The following HECW2 variants were observed in gnomAD, a reference collection of about 807,000 sequenced individuals.
The protein encoded by HECW2 is HECT, C2 and WW domain containing E3 ubiquitin protein ligase 2, also known as E3 ubiquitin-protein ligase HECW2.
HECW2 carries 61 observed loss-of-function variants against 175.2 expected under a neutral mutation model. The observed-to-expected ratio is 0.35, with a 90% CI of 0.28 to 0.43. The LOEUF is 0.43. Ranked by LOEUF, HECW2 falls within the 20% of genes least tolerant of loss-of-function variation. The probability of loss-of-function intolerance (pLI) is 1.00; values close to 1 mark genes in which losing one functional copy is unlikely to be tolerated. For missense variants in HECW2, 1,524 were observed against 2,000.5 expected (o/e 0.76, Z 4.54); for synonymous variants, 671 against 731.0 (o/e 0.92, Z 1.32).
chr2:196,526,840 G>C (rs552624433), intron 1 of HECW2, among the ~76,000 whole-genome samples: 28 of 152,222 alleles, frequency 1.8e-4, no homozygotes, highest in Admixed American at 9.2e-4. Flanking sequence ...CCAGTTCTCA[G>C]ATCTCCAGCT....
chr2:196,580,647 A>G lies in HECW2; in HGVS notation c.-36+12861T>C, dbSNP rs566962284. On this transcript the variant is annotated intron_variant, in intron 1 of 28. Coordinates refer to ENST00000644978, the MANE Select transcript of HECW2 (RefSeq NM_001348768.2). The stretch of plus-strand genomic sequence containing the variant: ...AATGAAACACAACTTCACACCCGCT[A>G]CAATGGCAAAAAAAAAAAAAAAAGT... Among the ~76,000 whole-genome samples the G allele has an allele frequency of 4.0e-5, 6 of 150,624 alleles. No homozygotes were observed. The South Asian group carries it at 1.3e-3, about 31-fold the overall frequency.
intron 2 of HECW2, among the ~76,000 whole-genome samples, chr2:196,376,846 A>G (rs1276141899): frequency 6.6e-6 from 1 of 150,804 alleles, no homozygotes; most frequent in Admixed American, 6.6e-5. Context: ...AGATAGGAGA[A>G]TCTCGAACCC....
At chr2:196,212,772 C>T (rs1042943877) in intron 28 of HECW2, among the ~76,000 whole-genome samples, 1 of 152,192 alleles carries the variant, frequency 6.6e-6, no homozygotes, top group Non-Finnish European at 1.5e-5. Context: ...AGTTGCCACA[C>T]TGTCTTCCAC....
At chr2:196,215,044 G>C (rs958011123) in intron 28 of HECW2, among the ~76,000 whole-genome samples, 4 of 152,086 alleles carry the variant, frequency 2.6e-5, no homozygotes, top group African/African-American at 9.7e-5. Flanking sequence ...GGCAATTTCA[G>C]CTCCTTTTTA....
chr2:196,568,328 A>C (rs188657208), intron 1 of HECW2, among the ~76,000 whole-genome samples: 1 of 152,348 alleles, frequency 6.6e-6, no homozygotes, highest in East Asian at 1.9e-4. Flanking sequence ...TTAAAAACTC[A>C]AACAGTACTT....
intron 4 of HECW2, chr2:196,331,405 G>A (rs1331676105): frequency 1.8e-5 from 8 of 445,388 alleles, no homozygotes; most frequent in African/African-American, 2.1e-5. Flanking sequence ...ACACACCCTC[G>A]GTAACCTGCC....
intron 1 of HECW2, among the ~76,000 whole-genome samples, chr2:196,534,655 G>C (rs1350876630): frequency 6.6e-6 from 1 of 152,112 alleles, no homozygotes; most frequent in Non-Finnish European, 1.5e-5. Flanking sequence ...GGAGAGCTGG[G>C]GCTTTGAGAT....
intron 1 of HECW2, among the ~76,000 whole-genome samples, chr2:196,489,330 A>G (rs1301301559): frequency 6.6e-6 from 1 of 152,192 alleles, no homozygotes; most frequent in African/African-American, 2.4e-5. Context: ...CAAAGCTATC[A>G]TTTTCTGCAA....
chr2:196,438,268 A>G (rs1219534036), intron 1 of HECW2, among the ~76,000 whole-genome samples: 1 of 152,220 alleles, frequency 6.6e-6, no homozygotes, highest in Non-Finnish European at 1.5e-5. Context: ...TCCAATTGAA[A>G]TATAACACAA....
At chr2:196,452,297 G>GT (rs1349155399) in intron 1 of HECW2, among the ~76,000 whole-genome samples, 1 of 152,186 alleles carries the variant, frequency 6.6e-6, no homozygotes, top group Non-Finnish European at 1.5e-5. Flanking sequence ...AAATGGTAGT[G>GT]TTTTAGATAT....
intron 1 of HECW2, among the ~76,000 whole-genome samples, chr2:196,489,577 C>T (rs1241440636): frequency 2.6e-5 from 4 of 152,156 alleles, no homozygotes; most frequent in Non-Finnish European, 5.9e-5. Flanking sequence ...GAAAAACATC[C>T]CTGGCGTGTG....
At chr2:196,424,297 T>C (rs1262830050) in intron 2 of HECW2, among the ~76,000 whole-genome samples, 1 of 152,026 alleles carries the variant, frequency 6.6e-6, no homozygotes, top group African/African-American at 2.4e-5. Flanking sequence ...TCCTAACTCC[T>C]GAGACACAAC....
chr2:196,572,372 G>A (rs1440630306), intron 1 of HECW2, among the ~76,000 whole-genome samples: 32 of 151,890 alleles, frequency 2.1e-4, no homozygotes, highest in South Asian at 2.1e-4. Context: ...TTGTACAGAC[G>A]AAGTCATACT....
intron 1 of HECW2, among the ~76,000 whole-genome samples, chr2:196,587,421 G>T (rs562380535): frequency 2.3e-4 from 35 of 152,290 alleles, no homozygotes; most frequent in African/African-American, 7.2e-4. Context: ...TTCTGAAATT[G>T]TCACTCTCAG....
intron 13 of HECW2, among the ~76,000 whole-genome samples, chr2:196,297,729 T>C (rs1364748225): frequency 2.0e-5 from 3 of 152,250 alleles, no homozygotes; most frequent in African/African-American, 7.2e-5. Context: ...ACCAAATCTA[T>C]AGCAAACATC....
At chr2:196,515,654 G>T (rs912629176) in intron 1 of HECW2, among the ~76,000 whole-genome samples, 6 of 152,136 alleles carry the variant, frequency 3.9e-5, no homozygotes, top group Non-Finnish European at 8.8e-5. Context: ...CTACAATATT[G>T]TTGAAATTGT....
intron 10 of HECW2, among the ~76,000 whole-genome samples, chr2:196,309,429 T>C (rs1490975680): frequency 1.3e-5 from 2 of 152,186 alleles, no homozygotes; most frequent in Non-Finnish European, 2.9e-5. Context: ...TCTGAATTCT[T>C]TGGGCACTGC....
chr2:196,281,583 T>C (rs916080842), intron 14 of HECW2, among the ~76,000 whole-genome samples: 2 of 126,302 alleles, frequency 1.6e-5, no homozygotes, highest in African/African-American at 6.2e-5. Flanking sequence ...GTGATTGCAG[T>C]GAGCCAAGAT....
chr2:196,478,529 C>T (rs545777074), intron 1 of HECW2, among the ~76,000 whole-genome samples: 7 of 152,102 alleles, frequency 4.6e-5, no homozygotes, highest in South Asian at 4.2e-4. Context: ...TGGATTAAAA[C>T]GGTATCTTGA....
Sources: allele counts gnomAD v4.1 joint callset (sites outside exome capture counted in the v4.1 genomes callset), GRCh38; gene constraint gnomAD v4.1.1; transcripts MANE v1.5; gene names NCBI Gene and HGNC (gene_info 2026-07-23, HGNC 2026-07-21).